Variants in GABRB2 observed in about 807,000 individuals in gnomAD.
The protein encoded by GABRB2 is gamma-aminobutyric acid receptor subunit beta-2.
Under a neutral mutation model 54.7 loss-of-function variants are expected in GABRB2, and 16 were observed. That is an observed-to-expected ratio of 0.29 (90% CI 0.20 to 0.44). GABRB2 has a LOEUF of 0.44. GABRB2 is among the 20% of genes least tolerant of loss of function. The probability of loss-of-function intolerance (pLI) is 1.00; values close to 1 mark genes in which losing one functional copy is unlikely to be tolerated. For missense variants in GABRB2, 355 were observed against 644.0 expected (o/e 0.55, Z 4.86); for synonymous variants, 244 against 233.8 (o/e 1.04, Z -0.40).
intron 3 of GABRB2, among the ~76,000 whole-genome samples, chr5:161,513,678 A>G (rs1376773055): frequency 1.3e-5 from 2 of 152,104 alleles, no homozygotes; most frequent in African/African-American, 4.8e-5. Flanking sequence ...TAACTGTTGC[A>G]TACTGTGCTC....
At chr5:161,431,191 T>A (rs986991510) in intron 4 of GABRB2, among the ~76,000 whole-genome samples, 27 of 152,154 alleles carry the variant, frequency 1.8e-4, no homozygotes, top group African/African-American at 6.5e-4. Flanking sequence ...ATGCCTGTTT[T>A]ATTTCAGTGC....
intron 9 of GABRB2, among the ~76,000 whole-genome samples, chr5:161,311,965 C>T (rs529128014): frequency 1.3e-5 from 2 of 152,142 alleles, no homozygotes; most frequent in East Asian, 3.9e-4. Context: ...TCCAAGTCTG[C>T]TAAATGGTCT....
chr5:161,516,497 T>C (rs1759953182), intron 3 of GABRB2, among the ~76,000 whole-genome samples: 1 of 152,134 alleles, frequency 6.6e-6, no homozygotes, highest in African/African-American at 2.4e-5. Context: ...GGAAGTGAAG[T>C]TAAGAAAGGC....
At chr5:161,363,010 C>A (rs1240221563) in intron 5 of GABRB2, among the ~76,000 whole-genome samples, 1 of 152,136 alleles carries the variant, frequency 6.6e-6, no homozygotes, top group Non-Finnish European at 1.5e-5. Context: ...CCATTTGACC[C>A]AGCAATCCCA....
intron 5 of GABRB2, among the ~76,000 whole-genome samples, chr5:161,381,034 G>C (rs1383391965): frequency 2.0e-5 from 3 of 152,126 alleles, no homozygotes; most frequent in Non-Finnish European, 4.4e-5. Context: ...GTCCACAAAT[G>C]ACAGAATTAA....
chr5:161,388,355 G>A (rs1755710761), intron 5 of GABRB2, among the ~76,000 whole-genome samples: 1 of 152,036 alleles, frequency 6.6e-6, no homozygotes, highest in Non-Finnish European at 1.5e-5. Context: ...ATTAAAAATA[G>A]CCATTTAAAG....
chr5:161,296,162 A>G (rs1040443683), intron 9 of GABRB2, among the ~76,000 whole-genome samples: 3 of 152,234 alleles, frequency 2.0e-5, no homozygotes, highest in African/African-American at 7.2e-5. Context: ...TTTGACTATT[A>G]TAGTAGAAAT....
At chr5:161,380,911 T>C (rs1288900894) in intron 5 of GABRB2, among the ~76,000 whole-genome samples, 1 of 151,782 alleles carries the variant, frequency 6.6e-6, no homozygotes, top group Admixed American at 6.6e-5. Context: ...AGGAGGGGTT[T>C]AAAGGAAAGG....
chr5:161,360,417 TA>T (rs1754775389), intron 5 of GABRB2, among the ~76,000 whole-genome samples: 1 of 152,178 alleles, frequency 6.6e-6, no homozygotes, highest in Non-Finnish European at 1.5e-5. Context: ...TGGATATCAA[TA>T]AAAATGGCAT....
At chr5:161,544,364 A>G (rs1270476169) in intron 3 of GABRB2, among the ~76,000 whole-genome samples, 1 of 152,170 alleles carries the variant, frequency 6.6e-6, no homozygotes, top group African/African-American at 2.4e-5. Context: ...ACAGAGTAGA[A>G]AAGTCACTGG....
intron 9 of GABRB2, among the ~76,000 whole-genome samples, chr5:161,321,144 C>T (rs1323629627): frequency 6.6e-6 from 1 of 151,812 alleles, no homozygotes; most frequent in Non-Finnish European, 1.5e-5. Flanking sequence ...ATGATAGATC[C>T]CTTGAGAAAC....
intron 5 of GABRB2, among the ~76,000 whole-genome samples, chr5:161,343,755 C>T (rs1021309493): frequency 3.9e-5 from 6 of 152,038 alleles, no homozygotes; most frequent in Non-Finnish European, 7.4e-5. Context: ...TTATAAGGTC[C>T]GTCTCTACAG....
chr5:161,507,455 G>A (rs1391642004), intron 3 of GABRB2, among the ~76,000 whole-genome samples: 1 of 152,022 alleles, frequency 6.6e-6, no homozygotes, highest in African/African-American at 2.4e-5. Context: ...CAACTCTTCT[G>A]TAAGTCTAAA....
chr5:161,434,803 T>C (rs1451128154), intron 4 of GABRB2, among the ~76,000 whole-genome samples: 1 of 152,208 alleles, frequency 6.6e-6, no homozygotes, highest in Non-Finnish European at 1.5e-5. Context: ...GCAAATAAGC[T>C]ATTATAACTA....
intron 5 of GABRB2, among the ~76,000 whole-genome samples, chr5:161,343,895 T>C (rs1202491126): frequency 1.3e-5 from 2 of 152,140 alleles, no homozygotes; most frequent in East Asian, 3.9e-4. Context: ...AGTAGGCCAA[T>C]GCTTCTTAAG....
intron 7 of GABRB2, among the ~76,000 whole-genome samples, chr5:161,333,172 A>G (rs1216397134): frequency 6.6e-6 from 1 of 152,064 alleles, no homozygotes; most frequent in African/African-American, 2.4e-5. Context: ...TGTAATCGAT[A>G]CAAAAAAGAC....
intron 3 of GABRB2, among the ~76,000 whole-genome samples, chr5:161,469,155 T>C (rs1758362680): frequency 1.3e-5 from 2 of 151,896 alleles, no homozygotes; most frequent in South Asian, 4.1e-4. Context: ...ATTATTTTTG[T>C]TAATCTGTGT....
At chr5:161,449,080 A>G (rs1291067296) in intron 4 of GABRB2, among the ~76,000 whole-genome samples, 1 of 152,150 alleles carries the variant, frequency 6.6e-6, no homozygotes, top group Non-Finnish European at 1.5e-5. Context: ...AGTCTTCTCC[A>G]TCCATCAACA....
chr5:161,373,063 A>G (rs1755177932), intron 5 of GABRB2, among the ~76,000 whole-genome samples: 1 of 152,222 alleles, frequency 6.6e-6, no homozygotes, highest in African/African-American at 2.4e-5. Flanking sequence ...TATTGTATAT[A>G]TTGATGCTTA....
Sources: allele counts gnomAD v4.1 joint callset (sites outside exome capture counted in the v4.1 genomes callset), GRCh38; gene constraint gnomAD v4.1.1; transcripts MANE v1.5; gene names NCBI Gene and HGNC (gene_info 2026-07-23, HGNC 2026-07-21).